The following ZNF738 variants were observed in gnomAD, a reference collection of about 807,000 sequenced individuals.
ZNF738 encodes protein ZNF738.
ZNF738 carries 10 observed loss-of-function variants against 9.2 expected under a neutral mutation model. That is an observed-to-expected ratio of 1.09 (90% confidence interval 0.67 to 1.85). The LOEUF is 1.85. Ranked by LOEUF, ZNF738 falls within the 40% of genes most tolerant of loss-of-function variation. ZNF738 has a pLI of 0.00. For synonymous variants in ZNF738, 113 were observed against 94.5 expected (o/e 1.20, Z -1.14); for missense variants, 346 against 283.6 (o/e 1.22, Z -1.58).
chr19:21,374,766 A>C (rs1176044876), intron 2 of ZNF738, among the ~76,000 whole-genome samples: 1 of 152,250 alleles, frequency 6.6e-6, no homozygotes, highest in South Asian at 2.1e-4. Flanking sequence ...GGCGAAATAC[A>C]TTGGCATTAC....
chr19:21,363,294 T>C (rs1203228811), intron 2 of ZNF738, among the ~76,000 whole-genome samples: 2 of 152,204 alleles, frequency 1.3e-5, no homozygotes, highest in African/African-American at 2.4e-5. Flanking sequence ...AACTCTAACA[T>C]GGAAATTAAA....
At chr19:21,375,396 A>G in intron 3 of ZNF738, 32 bp downstream of exon 3, 1 of 687,486 alleles carries the variant, frequency 1.5e-6, no homozygotes, top group South Asian at 1.9e-5. Context: ...AATTCCTTAT[A>G]TACACTAAAG....
Position 21,379,266 on chromosome 19 carries a change from T to C in ZNF738, c.319+3302T>C, listed in dbSNP as rs571485435. On this transcript the variant is annotated intron_variant, in intron 4 of 4. Transcript: ENST00000683779. ...TTGTTGGTACTACATTGCCCTGTTTTGTATATATTCTAATCTTTTATTAAA... is the reference window on the plus strand; with the variant it reads ...TTGTTGGTACTACATTGCCCTGTTTCGTATATATTCTAATCTTTTATTAAA... 9.9e-5 allele frequency: 15 copies of C among 152,270 alleles called. 1 individual carries two copies. The East Asian group carries it at 2.9e-3, about 29-fold the overall frequency. The allele number at this position is 152,270 out of a possible 1,614,324, so 9.4% of individuals were successfully genotyped here.
At chr19:21,362,208 A>T (rs1388669526) in intron 2 of ZNF738, among the ~76,000 whole-genome samples, 7 of 152,082 alleles carry the variant, frequency 4.6e-5, no homozygotes, top group Non-Finnish European at 1.0e-4. Context: ...GATGCTGGTA[A>T]TGAGGAACAA....
At chr19:21,373,913 C>CTT (rs1211595672) in intron 2 of ZNF738, among the ~76,000 whole-genome samples, 1 of 151,822 alleles carries the variant, frequency 6.6e-6, no homozygotes, top group Non-Finnish European at 1.5e-5. Flanking sequence ...AGTTTAACTA[C>CTT]TATAAAAAAT....
At chr19:21,380,249 C>A (rs1350277149) in intron 4 of ZNF738, among the ~76,000 whole-genome samples, 1 of 152,190 alleles carries the variant, frequency 6.6e-6, no homozygotes, top group East Asian at 1.9e-4. Context: ...TTTTAAAATT[C>A]TTCCCACTCA....
chr19:21,374,856 G>A (rs1183266855), intron 2 of ZNF738, among the ~76,000 whole-genome samples: 3 of 151,922 alleles, frequency 2.0e-5, no homozygotes, highest in Admixed American at 6.6e-5. Flanking sequence ...AAGATCTCCA[G>A]TGTATTGTAC....
rs1284826619 is a variant in ZNF738, at chr19:21,385,460, A to AAAAT, written c.*1802_*1805dup. Among the ~76,000 whole-genome samples the AAAAT allele has an allele frequency of 1.4e-5, 2 of 147,574 alleles. No homozygotes were observed. Among genetic ancestry groups the AAAAT allele is most frequent in the Non-Finnish European group, 3.0e-5 (2 of 66,044 alleles). On this transcript the variant is annotated 3_prime_UTR_variant, in exon 5 of 5. Coordinates refer to ENST00000683779, the MANE Select transcript of ZNF738 (RefSeq NM_001355237.2). ...GACAGAGAGAGACTCTATCTCCAAA[A>AAAAT]AAATAAATAAATAAATAAAAAAAAT...
chr19:21,369,648 T>C (rs951362404), intron 2 of ZNF738, among the ~76,000 whole-genome samples: 1 of 152,204 alleles, frequency 6.6e-6, no homozygotes, highest in Non-Finnish European at 1.5e-5. Context: ...TCTTTTCATA[T>C]TCCTGTCAGG....
At chr19:21,363,885 TAA>T (rs71176862) in intron 2 of ZNF738, among the ~76,000 whole-genome samples, 4,982 of 141,244 alleles carry the variant, frequency 0.035, 311 homozygotes, top group African/African-American at 0.11. Flanking sequence ...AGACTCCATT[TAA>T]AAAAAAAAAA....
intron 2 of ZNF738, among the ~76,000 whole-genome samples, chr19:21,369,136 C>G (rs578219698): frequency 1.1e-4 from 17 of 152,126 alleles, no homozygotes; most frequent in Admixed American, 1.1e-3. Flanking sequence ...GTGTCTCACT[C>G]TGTCACATAG....
chr19:21,371,704 A>T (rs1188062631), intron 2 of ZNF738, among the ~76,000 whole-genome samples: 1 of 151,794 alleles, frequency 6.6e-6, no homozygotes, highest in African/African-American at 2.4e-5. Context: ...ACCTTGGTCC[A>T]CTTCTTTTTA....
chr19:21,375,196 C>T (rs772922492), intron 2 of ZNF738, 42 bp from the exon 3 acceptor site: 12 of 901,036 alleles, frequency 1.3e-5, no homozygotes, highest in South Asian at 9.7e-5. Flanking sequence ...AAATTCTGCC[C>T]GTGGACACTT....
intron 2 of ZNF738, among the ~76,000 whole-genome samples, chr19:21,363,078 G>A (rs1973720939): frequency 6.6e-6 from 1 of 152,276 alleles, no homozygotes; most frequent in South Asian, 2.1e-4. Flanking sequence ...TTGCCTGGAA[G>A]TGTTTCCATA....
In ZNF738 at chr19:21,384,076, C is replaced by G. The variant is rs1478885559; in HGVS notation, c.*402C>G. 1 of 1,560,934 alleles carries G rather than the reference C, an allele frequency of 6.4e-7. No homozygotes were observed. Among genetic ancestry groups the G allele is most frequent in the Non-Finnish European group, 8.8e-7 (1 of 1,135,922 alleles). ...AAGAGAATTCACACTGGAGAGAAACCCTACAAATGTGAAGAATGTGGCAAA... is the reference window on the plus strand; with the variant it reads ...AAGAGAATTCACACTGGAGAGAAACGCTACAAATGTGAAGAATGTGGCAAA... On this transcript the variant is annotated 3_prime_UTR_variant, in exon 5 of 5. Coordinates refer to ENST00000683779, the MANE Select transcript of ZNF738 (RefSeq NM_001355237.2).
At position 21,383,004 on chromosome 19, in the gene ZNF738, A is replaced by C. The variant is rs1974023313; in HGVS notation, c.458A>C (p.Glu153Ala). Residue 153 changes from glutamate (E) to alanine (A), a missense_variant, in exon 5 of 5, where the codon GAG (glutamate) becomes GCG (alanine). Transcript: ENST00000683779. ...AGAAAAGGCTGTAAAAGTGTGAATGAGTGTAATGTGCAAAAAGAAGGTTAT... is the reference window on the plus strand; with the variant it reads ...AGAAAAGGCTGTAAAAGTGTGAATGCGTGTAATGTGCAAAAAGAAGGTTAT... ...QLRKGCKSVN[E>A]CNVQKEGYNE... 2.7e-6 allele frequency: 2 copies of C among 729,942 alleles called. No individual in the cohort carries two copies. The highest frequency in any genetic ancestry group is 2.9e-5 in the South Asian group (2 of 69,986). 45.2% of individuals were successfully genotyped at this position (729,942 alleles called of 1,614,324 possible).
intron 1 of ZNF738, among the ~76,000 whole-genome samples, chr19:21,361,263 A>T (rs1485571588): frequency 1.3e-5 from 2 of 151,780 alleles, no homozygotes; most frequent in African/African-American, 4.8e-5. Flanking sequence ...TCAGCCTCCG[A>T]GTAGCTGGGA....
chr19:21,361,741 G>T (rs745633531), intron 1 of ZNF738, 25 bp from the exon 2 acceptor site: 1 of 779,212 alleles, frequency 1.3e-6, no homozygotes, highest in Non-Finnish European at 2.4e-6. Context: ...GTGGATATCA[G>T]CTTCTGGTTT....
intron 4 of ZNF738, among the ~76,000 whole-genome samples, chr19:21,380,669 T>C (rs771476128): frequency 6.6e-6 from 1 of 152,190 alleles, no homozygotes; most frequent in Non-Finnish European, 1.5e-5. Context: ...ATCTGTACTA[T>C]AGTTGAAGAA....
Sources: allele counts gnomAD v4.1 joint callset (sites outside exome capture counted in the v4.1 genomes callset), GRCh38; gene constraint gnomAD v4.1.1; transcripts MANE v1.5; gene names NCBI Gene and HGNC (gene_info 2026-07-23, HGNC 2026-07-21).